The following GALNT15 variants were observed in gnomAD, a reference collection of about 807,000 sequenced individuals.
The protein encoded by GALNT15 is polypeptide N-acetylgalactosaminyltransferase 15, also known as UDP-GalNAc transferase T15.
A neutral mutation model predicts 66.8 loss-of-function variants in GALNT15; 67 were observed. The observed-to-expected ratio is 1.00, with a 90% CI of 0.82 to 1.23. The LOEUF (loss-of-function observed/expected upper bound fraction) is 1.23, where lower values mean the gene tolerates loss of function less well. GALNT15 is among the 50% of genes most tolerant of loss of function. GALNT15 has a pLI of 0.00. For missense variants in GALNT15, 827 were observed against 804.3 expected, an observed-to-expected ratio of 1.03 and a Z score of -0.34; for synonymous variants, 313 against 311.5, an observed-to-expected ratio of 1.00 and a Z score of -0.05.
Position 16,175,712 on chromosome 3 carries a change from C to T in GALNT15, c.539+22C>T. 1 of 1,539,032 alleles carries T rather than the reference C, an allele frequency of 6.5e-7. No homozygotes were observed. The highest frequency in any genetic ancestry group is 8.7e-7 in the Non-Finnish European group (1 of 1,143,782). Reference sequence around the variant, plus strand: ...CACTGTAAGTAAGGCCCTTGTTTTCCCTTCCCTGATCCCAGGGCATGATCG... The same window carrying T: ...CACTGTAAGTAAGGCCCTTGTTTTCTCTTCCCTGATCCCAGGGCATGATCG... On this transcript the variant is annotated intron_variant, in intron 1 of 9. Transcript: ENST00000339732. This position sits in a 1 kb window ranked among gnomAD's most constrained non-coding sequence, Gnocchi z 5.6.
At position 16,184,213 on chromosome 3, in the gene GALNT15, T is replaced by C. The variant is rs1027328180; in HGVS notation, c.539+8523T>C. Among the ~76,000 whole-genome samples the C allele has an allele frequency of 6.6e-6, 1 of 152,160 alleles. No homozygotes were observed. The highest frequency in any genetic ancestry group is 1.5e-5 in the Non-Finnish European group (1 of 68,030). ...CTTGAGTGACACATACAAACCGAGATAGTAAAATATTCACCGGATATTTCG... is the reference window on the plus strand; with the variant it reads ...CTTGAGTGACACATACAAACCGAGACAGTAAAATATTCACCGGATATTTCG... On this transcript the variant is annotated intron_variant, in intron 1 of 9. Coordinates refer to ENST00000339732, the MANE Select transcript of GALNT15 (RefSeq NM_054110.5). The surrounding 1 kb of genome is among the most constrained non-coding windows in gnomAD (Gnocchi z 5.0).
At chr3:16,177,492 A>C (rs1458291187) in intron 1 of GALNT15, among the ~76,000 whole-genome samples, 1 of 152,206 alleles carries the variant, frequency 6.6e-6, no homozygotes, top group East Asian at 1.9e-4. Context: ...GATGTCGTGC[A>C]TGTATGTGTA....
chr3:16,225,282 G>A lies in GALNT15; in HGVS notation c.1774-2072G>A, dbSNP rs935634709. Among the ~76,000 whole-genome samples, 1 of 152,126 alleles carries A rather than the reference G, an allele frequency of 6.6e-6. No individual in the cohort carries two copies. Among genetic ancestry groups the A allele is most frequent in the Non-Finnish European group, 1.5e-5 (1 of 68,024 alleles). On this transcript the variant is annotated intron_variant, in intron 9 of 9. Coordinates refer to ENST00000339732, the MANE Select transcript of GALNT15 (RefSeq NM_054110.5). This position sits in a 1 kb window ranked among gnomAD's most constrained non-coding sequence, Gnocchi z 4.4. ...CACCAAACCCCACCTCCAGCACTGG[G>A]AATTACAATTCAACATGAGATTTAG... is the stretch of plus-strand genomic sequence containing the variant.
Position 16,193,229 on chromosome 3 carries a change from T to C in GALNT15, c.540-2531T>C, listed in dbSNP as rs908860272. Among the ~76,000 whole-genome samples the C allele has an allele frequency of 3.3e-5, 5 of 152,352 alleles. 1 individual carries two copies. The South Asian group carries it at 6.2e-4, about 19-fold the overall frequency. On this transcript the variant is annotated intron_variant, in intron 1 of 9. Transcript: ENST00000339732. The surrounding 1 kb of genome is among the most constrained non-coding windows in gnomAD (Gnocchi z 4.7). ...CTGTTGCAGAATAAACATTTTACTT[T>C]GGCTACCAGGGATCTCAGAGTCAAA...
rs186085035 is a variant in GALNT15 at position 16,201,481 on chromosome 3, G to A, written c.911+658G>A. Among the ~76,000 whole-genome samples the A allele has an allele frequency of 2.9e-3, 448 of 152,068 alleles. 2 individuals are homozygous for A. Among genetic ancestry groups the A allele is most frequent in the African/African-American group, 9.9e-3 (409 of 41,498 alleles). On this transcript the variant is annotated intron_variant, in intron 3 of 9. Coordinates refer to ENST00000339732, the MANE Select transcript of GALNT15 (RefSeq NM_054110.5). ...CAGGCGTGAGCCACCGCGCCTGGCC[G>A]AAAATTCGTCAATTTTAATCAAGCT...
At chr3:16,205,760 T>G (rs1233146025) in intron 3 of GALNT15, among the ~76,000 whole-genome samples, 4 of 152,236 alleles carry the variant, frequency 2.6e-5, no homozygotes, top group African/African-American at 9.6e-5. Flanking sequence ...TTAGTCCTGC[T>G]AGGCAGCCAC....
rs765797135 is a variant in GALNT15, at chr3:16,180,485, T to C, written c.539+4795T>C. On this transcript the variant is annotated intron_variant, in intron 1 of 9. Transcript: ENST00000339732. The surrounding 1 kb of genome is among the most constrained non-coding windows in gnomAD (Gnocchi z 5.0). Reference sequence around the variant, plus strand: ...GAGTTACACCACGACTTCCCAAAAGTATGTGCACACCCAACCCCCCTATAT... The same window carrying C: ...GAGTTACACCACGACTTCCCAAAAGCATGTGCACACCCAACCCCCCTATAT... Among the ~76,000 whole-genome samples, 9 of 152,114 alleles carry C rather than the reference T, an allele frequency of 5.9e-5. No individual in the cohort carries two copies. The highest frequency in any genetic ancestry group is 8.8e-5 in the Non-Finnish European group (6 of 68,030).
chr3:16,227,693 T>TA lies in GALNT15; in HGVS notation c.*193_*194insA. 4.8e-6 allele frequency: 6 copies of TA among 1,255,734 alleles called. No homozygotes were observed. Among genetic ancestry groups the TA allele is most frequent in the Non-Finnish European group, 5.1e-6 (5 of 984,810 alleles). The allele number at this position is 1,255,734 out of a possible 1,614,324, so 77.8% of individuals were successfully genotyped here. ...CTTATTTCATTGACTGCTGGCTGCT[T>TA]TAAAAAAAAAAAAAAAGGATCCATT... On this transcript the variant is annotated 3_prime_UTR_variant, in exon 10 of 10. Transcript: ENST00000339732. The surrounding 1 kb of genome is among the most constrained non-coding windows in gnomAD (Gnocchi z 4.5).
chr3:16,225,600 C>T lies in GALNT15; in HGVS notation c.1774-1754C>T, dbSNP rs2064000429. Among the ~76,000 whole-genome samples, 1 of 152,016 alleles carries T rather than the reference C, an allele frequency of 6.6e-6. No homozygotes were observed. Among genetic ancestry groups the T allele is most frequent in the Non-Finnish European group, 1.5e-5 (1 of 68,016 alleles). On this transcript the variant is annotated intron_variant, in intron 9 of 9. Coordinates refer to ENST00000339732, the MANE Select transcript of GALNT15 (RefSeq NM_054110.5). The surrounding 1 kb of genome is among the most constrained non-coding windows in gnomAD (Gnocchi z 4.4). ...GTCTCAGCTACTCAGGAGGTTGAGG[C>T]AGGAGAATCGCTTGAACCCAGGAGG...
rs766139523 is a variant in GALNT15, at chr3:16,208,655, C to T, written c.1064C>T (p.Pro355Leu). The T allele has an allele frequency of 1.6e-5, 26 of 1,613,794 alleles. No homozygotes were observed. The African/African-American group carries it at 3.3e-4, about 21-fold the overall frequency. ...CATGTGAGGAAGGCCCTCCAGTCCC[C>T]CATAAGCCCCATCAGGTGAGTCCCC... ...PEHVRKALQS[P>L]ISPIRSPVVP... The change falls in exon 4 of 10, where the codon CCC becomes CTC. Residue 355 changes from proline (P) to leucine (L), a missense_variant. Coordinates refer to ENST00000339732, the MANE Select transcript of GALNT15 (RefSeq NM_054110.5).
rs1177546318 is a variant in GALNT15 at position 16,180,998 on chromosome 3, T to C, written c.539+5308T>C. ...TAATAATAACACCCTTGCATAAGGTTGTAGAGAAAATGAGACACAACGTGT... is the reference window on the plus strand; with the variant it reads ...TAATAATAACACCCTTGCATAAGGTCGTAGAGAAAATGAGACACAACGTGT... On this transcript the variant is annotated intron_variant, in intron 1 of 9. Transcript: ENST00000339732. This position sits in a 1 kb window ranked among gnomAD's most constrained non-coding sequence, Gnocchi z 5.0. 1.3e-5 allele frequency among the ~76,000 whole-genome samples: 2 copies of C among 152,188 alleles called. No homozygotes were observed. Among genetic ancestry groups the C allele is most frequent in the African/African-American group, 2.4e-5 (1 of 41,452 alleles).
chr3:16,216,057 G>C (rs2063872393), intron 6 of GALNT15, among the ~76,000 whole-genome samples: 1 of 152,130 alleles, frequency 6.6e-6, no homozygotes, highest in African/African-American at 2.4e-5. Flanking sequence ...CATGCACATA[G>C]TACGTGTTCC....
chr3:16,242,205 G>A, the GALNT15 span, among the ~76,000 whole-genome samples: 1 of 152,188 alleles, frequency 6.6e-6, no homozygotes, highest in Non-Finnish European at 1.5e-5. This position sits in a 1 kb window ranked among gnomAD's most constrained non-coding sequence, Gnocchi z 5.6. Context: ...CCAGGCTCAG[G>A]GAGGAGGGGA....
rs370605040 is a variant in GALNT15, at chr3:16,203,549, A to C, written c.911+2726A>C. ...CTCTCTCTCTCTCTCTCTCTCACACACACACACACACACACACACACACAC... is the reference window on the plus strand; with the variant it reads ...CTCTCTCTCTCTCTCTCTCTCACACCCACACACACACACACACACACACAC... On this transcript the variant is annotated intron_variant, in intron 3 of 9. Transcript: ENST00000339732. The surrounding 1 kb of genome is among the most constrained non-coding windows in gnomAD (Gnocchi z 6.2). Among the ~76,000 whole-genome samples the C allele has an allele frequency of 1.7e-5, 1 of 59,182 alleles. No homozygotes were observed. Among genetic ancestry groups the C allele is most frequent in the Admixed American group, 1.8e-4 (1 of 5,406 alleles). 38.8% of individuals were successfully genotyped at this position (59,182 alleles called of 152,430 possible).
Position 16,227,305 on chromosome 3 carries a change from CTGAT to C in GALNT15, c.1774-46_1774-43del. On this transcript the variant is annotated intron_variant, in intron 9 of 9. Coordinates refer to ENST00000339732, the MANE Select transcript of GALNT15 (RefSeq NM_054110.5). This position sits in a 1 kb window ranked among gnomAD's most constrained non-coding sequence, Gnocchi z 4.5. ...TCTTAAAAATATTTTCTTTTGCTGA[CTGAT>C]TGTGGGGGACTGGTTTTCTTTTCTT... 3.2e-6 allele frequency: 5 copies of C among 1,569,966 alleles called. No individual in the cohort carries two copies. Among genetic ancestry groups the C allele is most frequent in the Non-Finnish European group, 4.3e-6 (5 of 1,159,640 alleles).
intron 1 of GALNT15, among the ~76,000 whole-genome samples, chr3:16,177,086 T>C (rs2063418525): frequency 6.6e-6 from 1 of 152,168 alleles, no homozygotes; most frequent in East Asian, 1.9e-4. Flanking sequence ...AGCCAAATGA[T>C]TATTGATGTA....
intron 9 of GALNT15, among the ~76,000 whole-genome samples, chr3:16,223,554 G>A (rs2063971816): frequency 6.6e-6 from 1 of 152,162 alleles, no homozygotes; most frequent in Non-Finnish European, 1.5e-5. Flanking sequence ...TACTCTTAAA[G>A]CAGGCTGTGA....
chr3:16,242,537 C>A, the GALNT15 span, among the ~76,000 whole-genome samples: 1 of 152,120 alleles, frequency 6.6e-6, no homozygotes, highest in African/African-American at 2.4e-5. The surrounding 1 kb of genome is among the most constrained non-coding windows in gnomAD (Gnocchi z 5.6). Flanking sequence ...GCAGGCAAAT[C>A]TCTTGCGCCC....
At chr3:16,236,027 C>A (rs1293871672), downstream of GALNT15, among the ~76,000 whole-genome samples, 1 of 139,492 alleles carries the variant, frequency 7.2e-6, no homozygotes, top group Non-Finnish European at 1.5e-5. Flanking sequence ...ATCACTTGAA[C>A]CAGGGAGGCG....
Sources: allele counts gnomAD v4.1 joint callset (sites outside exome capture counted in the v4.1 genomes callset), GRCh38; gene constraint gnomAD v4.1.1; non-coding constraint Gnocchi (gnomAD v3.1); transcripts MANE v1.5; gene names NCBI Gene and HGNC (gene_info 2026-07-23, HGNC 2026-07-21).